SCN1A: variants seen among roughly 807,000 people sequenced by gnomAD.
SCN1A encodes the protein sodium channel protein type 1 subunit alpha.
SCN1A carries 13 observed loss-of-function variants against 193.7 expected under a neutral mutation model. The observed-to-expected ratio is 0.07, with a 90% CI of 0.04 to 0.11. The LOEUF (loss-of-function observed/expected upper bound fraction) is 0.11. SCN1A is among the 10% of genes least tolerant of loss of function. SCN1A has a pLI of 1.00. For missense variants in SCN1A, 1,432 were observed against 2,451.1 expected (o/e 0.58, Z 8.78); for synonymous variants, 781 against 843.6 (o/e 0.93, Z 1.29).
At chr2:166,052,802 G>T (rs999864202) in intron 8 of SCN1A, 50 bp downstream of exon 8, 4 of 1,387,934 alleles carry the variant, frequency 2.9e-6, no homozygotes, top group African/African-American at 1.4e-5. Context: ...AGCAGAGAAG[G>T]ATGCTGAATC....
chr2:166,009,950 A>T, intron 22 of SCN1A, 109 bp from the exon 23 acceptor site: 1 of 1,028,788 alleles, frequency 9.7e-7, no homozygotes, highest in Non-Finnish European at 1.5e-6. Flanking sequence ...CAGAGGATAA[A>T]TGTTCAGACA....
intron 4 of SCN1A, chr2:166,060,997 A>G (rs1485048994): frequency 2.6e-5 from 4 of 152,208 alleles, no homozygotes; most frequent in Admixed American, 2.6e-4. Flanking sequence ...TTTGAAACAA[A>G]TAGTAGTGAT....
intron 28 of SCN1A, 198 bp downstream of exon 28, chr2:165,993,948 T>C (rs2105446004): frequency 1.7e-6 from 1 of 601,736 alleles, no homozygotes; most frequent in South Asian, 2.1e-5. Flanking sequence ...AGTATATTGT[T>C]CTAAATGGAT....
At chr2:166,136,375 C>CTCTACT (rs1478064318) in intron 1 of SCN1A, among the ~76,000 whole-genome samples, 1 of 152,116 alleles carries the variant, frequency 6.6e-6, no homozygotes, top group Non-Finnish European at 1.5e-5. Flanking sequence ...CGATCATTTG[C>CTCTACT]TCTACTTCAC....
intron 19 of SCN1A, among the ~76,000 whole-genome samples, chr2:166,025,031 G>C (rs1038382238): frequency 6.6e-6 from 1 of 152,174 alleles, no homozygotes; most frequent in Non-Finnish European, 1.5e-5. Context: ...AATCATTTGA[G>C]TTTTCCTAAC....
At chr2:166,033,293 G>A (rs1292705394) in intron 19 of SCN1A, among the ~76,000 whole-genome samples, 1 of 152,104 alleles carries the variant, frequency 6.6e-6, no homozygotes, top group African/African-American at 2.4e-5. Flanking sequence ...CAGACACTAT[G>A]CCCATGAACC....
upstream of SCN1A, among the ~76,000 whole-genome samples, chr2:166,131,932 G>C (rs1296413336): frequency 6.6e-6 from 1 of 152,144 alleles, no homozygotes; most frequent in Non-Finnish European, 1.5e-5. Flanking sequence ...CCCTTGTTTA[G>C]AGTTATAAAT....
intron 2 of SCN1A, among the ~76,000 whole-genome samples, chr2:166,112,901 T>C (rs1225777324): frequency 2.0e-5 from 3 of 152,202 alleles, no homozygotes; most frequent in Non-Finnish European, 4.4e-5. Flanking sequence ...CTCTAAATTA[T>C]GGAGTTTGGA....
chr2:166,018,258 AT>A (rs1347555297), intron 19 of SCN1A, among the ~76,000 whole-genome samples: 2 of 152,006 alleles, frequency 1.3e-5, no homozygotes, highest in Non-Finnish European at 2.9e-5. Context: ...ATTGATTTTT[AT>A]TCTGCCTTTA....
intron 2 of SCN1A, among the ~76,000 whole-genome samples, chr2:166,080,296 T>C (rs2106014431): frequency 6.6e-6 from 1 of 151,896 alleles, no homozygotes; most frequent in East Asian, 1.9e-4. Context: ...ATTTAAATAT[T>C]TGGTTACATA....
rs1161937235 is a variant in SCN1A, at chr2:166,068,963, A to G, written c.264+4395T>C. On this transcript the variant is annotated intron_variant, in intron 4 of 28. Transcript: ENST00000674923. The stretch of plus-strand genomic sequence containing the variant: ...ATTCGTCTGTAATTTTAACAAGAAC[A>G]TGAGAAGGAAGACATTTTCTGTAAT... Among the ~76,000 whole-genome samples the G allele has an allele frequency of 2.6e-5, 4 of 152,204 alleles. No individual in the cohort carries two copies. The East Asian group carries it at 7.7e-4, about 29-fold the overall frequency.
At chr2:166,120,631 G>T (rs1421219639) in intron 2 of SCN1A, among the ~76,000 whole-genome samples, 1 of 93,398 alleles carries the variant, frequency 1.1e-5, no homozygotes, top group Non-Finnish European at 1.9e-5. Flanking sequence ...TTTTGAGACA[G>T]AGTCTTGCTC....
In SCN1A at chr2:166,109,160, T is replaced by C. The variant is rs188396454; in HGVS notation, c.-142+17764A>G. On this transcript the variant is annotated intron_variant, in intron 2 of 28. Transcript: ENST00000674923. The stretch of plus-strand genomic sequence containing the variant: ...TCAAGAATAATTGTTCATCTTAGTA[T>C]GTTTATTAACTACTCTTGGTGTTAT... Among the ~76,000 whole-genome samples, 441 of 152,290 alleles carry C rather than the reference T, an allele frequency of 2.9e-3. 3 individuals carry two copies. The highest frequency in any genetic ancestry group is 0.01 in the African/African-American group (428 of 41,570).
chr2:166,040,217 C>A (rs1696995299), intron 16 of SCN1A, among the ~76,000 whole-genome samples: 1 of 152,122 alleles, frequency 6.6e-6, no homozygotes, highest in African/African-American at 2.4e-5. Flanking sequence ...TGCGCCCAGC[C>A]CAAGTCATCT....
chr2:166,002,608 T>C lies in SCN1A; in HGVS notation c.4148A>G (p.Asp1383Gly). ...FYHCINTTTG[D>G]RFDIEDVNNH... ...ATTCACGTCTTCGATGTCAAACCTGTCACCAGTTGTGGTGTTAATACAGTG... is the reference window on the plus strand; with the variant it reads ...ATTCACGTCTTCGATGTCAAACCTGCCACCAGTTGTGGTGTTAATACAGTG... Residue 1383 changes from aspartate to glycine, a missense_variant, in exon 24 of 29, where the codon GAC becomes GGC. This residue lies in a region of SCN1A where 107 missense variants were observed against 259.4 expected (regional missense o/e 0.41). Transcript: ENST00000674923. The C allele has an allele frequency of 6.2e-7, 1 of 1,612,072 alleles. No homozygotes were observed. Among genetic ancestry groups the C allele is most frequent in the Middle Eastern group, 1.7e-4 (1 of 6,048 alleles).
In SCN1A at chr2:165,992,450, C is replaced by G; in HGVS notation, c.4853-28G>C. The G allele has an allele frequency of 6.2e-7, 1 of 1,611,892 alleles. No homozygotes were observed. Among genetic ancestry groups the G allele is most frequent in the Non-Finnish European group, 8.5e-7 (1 of 1,178,464 alleles). On this transcript the variant is annotated intron_variant, in intron 28 of 28. Transcript: ENST00000674923. The surrounding 1 kb of genome is among the most constrained non-coding windows in gnomAD (Gnocchi z 6.5). ...ATGAATAAACAATGAGAATACCAAC[C>G]AGTGAAGAAATCATGCGTTAAAATA... is the stretch of plus-strand genomic sequence containing the variant.
chr2:166,116,419 T>A (rs1284468516), intron 2 of SCN1A, among the ~76,000 whole-genome samples: 7 of 152,212 alleles, frequency 4.6e-5, no homozygotes, highest in Admixed American at 2.0e-4. Flanking sequence ...TATGTGCAGC[T>A]CATATTACAG....
At chr2:166,085,157 T>C (rs13393239) in intron 2 of SCN1A, among the ~76,000 whole-genome samples, 36,082 of 152,136 alleles carry the variant, frequency 0.24, 4,639 homozygotes, top group Non-Finnish European at 0.29. Flanking sequence ...TTGGACTCAA[T>C]GGTGTTCCAG....
upstream of SCN1A, among the ~76,000 whole-genome samples, chr2:166,133,012 A>T (rs926091893): frequency 6.6e-6 from 1 of 152,178 alleles, no homozygotes; most frequent in Non-Finnish European, 1.5e-5. Flanking sequence ...GCTTGTGGGC[A>T]CACATTACAC....
Sources: allele counts gnomAD v4.1 joint callset (sites outside exome capture counted in the v4.1 genomes callset), GRCh38; gene constraint gnomAD v4.1.1; regional missense constraint gnomAD v4.1.1; non-coding constraint Gnocchi (gnomAD v3.1); transcripts MANE v1.5; gene names NCBI Gene and HGNC (gene_info 2026-07-23, HGNC 2026-07-21).